Variants in SLC22A13 observed in about 807,000 individuals in gnomAD.
The protein encoded by SLC22A13 is organic anion transporter 10.
Under a neutral mutation model 49.1 loss-of-function variants are expected in SLC22A13, and 42 were observed. That is an observed-to-expected ratio of 0.85 (90% CI 0.67 to 1.11). The LOEUF (loss-of-function observed/expected upper bound fraction) is 1.11, where lower values mean the gene tolerates loss of function less well. SLC22A13 is among the 50% of genes least tolerant of loss of function. The pLI is 0.00. For missense variants in SLC22A13, 694 were observed against 712.8 expected (o/e 0.97, Z 0.30); for synonymous variants, 282 against 293.1 (o/e 0.96, Z 0.39).
rs374383484 is a variant in SLC22A13, at chr3:38,276,195, T to TC, written c.1238-89dup. On this transcript the variant is annotated intron_variant, in intron 7 of 9. Transcript: ENST00000311856. The stretch of plus-strand genomic sequence containing the variant: ...TGTTCTGCTTCCAGGAGTAAAGGCT[T>TC]CCCGGGGGTTTGGGTACAGAAGGGG... The TC allele has an allele frequency of 1.3e-5, 19 of 1,488,662 alleles. No individual in the cohort carries two copies. The African/African-American group carries it at 1.7e-4, about 13-fold the overall frequency. 92.2% of individuals were successfully genotyped at this position (1,488,662 alleles called of 1,614,324 possible).
chr3:38,274,881 G>A (rs1286600257), intron 3 of SLC22A13, 108 bp from the exon 4 acceptor site: 6 of 1,550,568 alleles, frequency 3.9e-6, no homozygotes, highest in Admixed American at 1.7e-5. Flanking sequence ...GGTCGCACTG[G>A]TGCTTCCTGT....
intron 1 of SLC22A13, among the ~76,000 whole-genome samples, chr3:38,268,307 A>G (rs141277604): frequency 7.2e-5 from 11 of 152,274 alleles, no homozygotes; most frequent in African/African-American, 2.6e-4. Context: ...ACTGGTTCCC[A>G]TGTTCTTAAG....
At chr3:38,274,203 T>G in intron 1 of SLC22A13, 69 bp from the exon 2 acceptor site, 4 of 1,149,726 alleles carry the variant, frequency 3.5e-6, no homozygotes, top group Non-Finnish European at 5.3e-6. Context: ...GGGTTTGTAG[T>G]GGGACAGGTG....
At chr3:38,274,856 C>T in intron 3 of SLC22A13, 98 bp downstream of exon 3, 1 of 1,536,402 alleles carries the variant, frequency 6.5e-7, no homozygotes, top group Non-Finnish European at 8.9e-7. Context: ...TTTTCAGGTA[C>T]CCCACATCTG....
chr3:38,277,832 G>C lies in SLC22A13; in HGVS notation c.*367G>C, dbSNP rs1398861050. 1.2e-5 allele frequency: 2 copies of C among 170,512 alleles called. No individual in the cohort carries two copies. The highest frequency in any genetic ancestry group is 6.1e-5 in the Admixed American group (1 of 16,518). The allele number at this position is 170,512 out of a possible 1,614,324, so 10.6% of individuals were successfully genotyped here. ...TGCCCTCAAAACACAGTGATGTTCA[G>C]AACAGAACACAAGGTAAGCCCTTTC... On this transcript the variant is annotated 3_prime_UTR_variant, in exon 10 of 10. Transcript: ENST00000311856.
chr3:38,275,520 A>T (rs1170493090), intron 5 of SLC22A13, 30 bp downstream of exon 5: 3 of 1,614,062 alleles, frequency 1.9e-6, no homozygotes, highest in Non-Finnish European at 2.5e-6. Context: ...GCCCAGGCCC[A>T]GAATCAGACC....
Position 38,266,236 on chromosome 3 carries a change from G to A in SLC22A13, c.376G>A (p.Glu126Lys). 6.2e-7 allele frequency: 1 copy of A among 1,612,634 alleles called. No homozygotes were observed. The highest frequency in any genetic ancestry group is 8.5e-7 in the Non-Finnish European group (1 of 1,178,788). Residue 126 changes from glutamate to lysine, a missense_variant and splice_region_variant, in exon 1 of 10, where the codon GAG becomes AAG. Coordinates refer to ENST00000311856, the MANE Select transcript of SLC22A13 (RefSeq NM_004256.4). ...PENRLPSLKN[E>K]FNLVCDRKHL... ...GAACAGGCTCCCATCCCTGAAGAAT[G>A]AGGTAGGCTTGTCCTTTTGCTGGTC... is the stretch of plus-strand genomic sequence containing the variant.
At chr3:38,268,095 G>A (rs144324888) in intron 1 of SLC22A13, among the ~76,000 whole-genome samples, 2 of 152,310 alleles carry the variant, frequency 1.3e-5, no homozygotes, top group African/African-American at 2.4e-5. Context: ...ATTGGTTAAC[G>A]CTAAGGTAAT....
At chr3:38,270,293 C>T (rs1454238027) in intron 1 of SLC22A13, 1 of 189,210 alleles carries the variant, frequency 5.3e-6, no homozygotes, top group African/African-American at 2.3e-5. Context: ...TCTTTAGGCC[C>T]TTCTCTGTGA....
rs568299861 is a variant in SLC22A13, at chr3:38,265,996, G to A, written c.136G>A (p.Glu46Lys). The part of the protein sequence containing the change: ...FFAHVFMVLD[E>K]PHHCAVAWVK... Reference sequence around the variant, plus strand: ...TGCCCATGTCTTCATGGTCCTAGATGAGCCCCACCACTGTGCAGTGGCTTG... The same window carrying A: ...TGCCCATGTCTTCATGGTCCTAGATAAGCCCCACCACTGTGCAGTGGCTTG... Residue 46 changes from glutamate to lysine, a missense_variant, in exon 1 of 10, where the codon GAG becomes AAG. Physicochemically the swap from Glu to Lys is moderately conservative, Grantham distance 56. Coordinates refer to ENST00000311856, the MANE Select transcript of SLC22A13 (RefSeq NM_004256.4). The A allele has an allele frequency of 6.2e-7, 1 of 1,614,118 alleles. No individual in the cohort carries two copies. The highest frequency in any genetic ancestry group is 2.2e-5 in the East Asian group (1 of 44,882).
Position 38,265,819 on chromosome 3 carries a change from T to C in SLC22A13, c.-42T>C. 9 of 1,597,596 alleles carry C rather than the reference T, an allele frequency of 5.6e-6. No individual in the cohort carries two copies. The highest frequency in any genetic ancestry group is 7.7e-6 in the Non-Finnish European group (9 of 1,168,632). On this transcript the variant is annotated 5_prime_UTR_variant, in exon 1 of 10. Transcript: ENST00000311856. ...AGTTCCCAGAGCCAAGCTACAGAGC[T>C]ACCCTAGTGTCCCCAGGCTGAGGAG...
rs779383079 is a variant in SLC22A13, at chr3:38,277,009, A to T, written c.1444A>T (p.Met482Leu). The change falls in exon 9 of 10, where the codon ATG becomes TTG. Residue 482 changes from methionine to leucine, a missense_variant. Met to Leu is a conservative substitution (Grantham distance 15). Transcript: ENST00000311856. ...LLGEYHAALP[M>L]LIYGSLPIVA... ...GGGAGAGTACCACGCTGCCCTCCCC[A>T]TGCTCATCTACGGCAGCCTCCCCAT... is the stretch of plus-strand genomic sequence containing the variant. 4.3e-6 allele frequency: 7 copies of T among 1,610,540 alleles called. No homozygotes were observed.
In SLC22A13 at chr3:38,274,987, A is replaced by G; in HGVS notation, c.638-2A>G. The stretch of plus-strand genomic sequence containing the variant: ...CCTGTCTCAACCTCTCCATTGCCAC[A>G]GTGACAGAATGGGTGGGGCCCTCAT... On this transcript the variant is annotated splice_acceptor_variant, in intron 3 of 9. Coordinates refer to ENST00000311856, the MANE Select transcript of SLC22A13 (RefSeq NM_004256.4). LOFTEE classifies it high-confidence loss of function. 4 of 1,613,586 alleles carry G rather than the reference A, an allele frequency of 2.5e-6. No individual in the cohort carries two copies. The highest frequency in any genetic ancestry group is 1.1e-5 in the South Asian group (1 of 91,080).
rs1358445958 is a variant in SLC22A13, at chr3:38,278,735, G to A, written c.*1270G>A. Among the ~76,000 whole-genome samples, 4 of 149,768 alleles carry A rather than the reference G, an allele frequency of 2.7e-5. No homozygotes were observed. The highest frequency in any genetic ancestry group is 2.7e-4 in the Admixed American group (4 of 15,000). On this transcript the variant is annotated 3_prime_UTR_variant, in exon 10 of 10. Transcript: ENST00000311856. ...CTTGGGAGGCTGAGGCAGGAGAATC[G>A]CTTGAACCTGGGAGGCGGAGTTTGC...
intron 2 of SLC22A13, 97 bp downstream of exon 2, chr3:38,274,472 A>T: frequency 7.0e-7 from 1 of 1,430,724 alleles, no homozygotes; most frequent in Non-Finnish European, 9.8e-7. Flanking sequence ...GCCTTTAGGC[A>T]AGGCCCTCTT....
At chr3:38,275,715 C>A (rs1703573319) in intron 6 of SLC22A13, 43 bp downstream of exon 6, 3 of 1,589,672 alleles carry the variant, frequency 1.9e-6, no homozygotes, top group East Asian at 4.5e-5. Flanking sequence ...GGGCTGCAGC[C>A]TCCCTGGTGT....
At chr3:38,272,962 G>A (rs1703536352) in intron 1 of SLC22A13, among the ~76,000 whole-genome samples, 1 of 152,182 alleles carries the variant, frequency 6.6e-6, no homozygotes, top group Non-Finnish European at 1.5e-5. Flanking sequence ...AGGGTTAGCT[G>A]CTTAAACTTT....
intron 1 of SLC22A13, among the ~76,000 whole-genome samples, chr3:38,268,962 A>G (rs761930149): frequency 6.6e-6 from 1 of 150,910 alleles, no homozygotes; most frequent in Non-Finnish European, 1.5e-5. Context: ...ACAAACAAAC[A>G]AACAAAAAAA....
Position 38,274,584 on chromosome 3 carries a change from G to T in SLC22A13, c.483-20G>T, listed in dbSNP as rs775602184. The T allele has an allele frequency of 6.2e-6, 10 of 1,611,224 alleles. No homozygotes were observed. In the Admixed American group the frequency reaches 1.0e-4, roughly 16 times the overall value. On this transcript the variant is annotated intron_variant, in intron 2 of 9. Coordinates refer to ENST00000311856, the MANE Select transcript of SLC22A13 (RefSeq NM_004256.4). ...CCTTCCGGGAGGGACCCTCCCCACA[G>T]ACCTGCCCTGTTTCCTCAGGATTGG...
Sources: allele counts gnomAD v4.1 joint callset (sites outside exome capture counted in the v4.1 genomes callset), GRCh38; gene constraint gnomAD v4.1.1; transcripts MANE v1.5; gene names NCBI Gene and HGNC (gene_info 2026-07-23, HGNC 2026-07-21).